MIGA1: variants seen among roughly 807,000 people sequenced by gnomAD.
MIGA1 encodes the protein mitoguardin 1.
MIGA1 carries 58 observed loss-of-function variants against 82.0 expected under a neutral mutation model. The observed-to-expected ratio is 0.71, with a 90% CI of 0.57 to 0.88. The LOEUF (loss-of-function observed/expected upper bound fraction) is 0.88. Ranked by LOEUF, MIGA1 falls within the 40% of genes least tolerant of loss-of-function variation. MIGA1 has a pLI of 0.00. For synonymous variants in MIGA1, 249 were observed against 253.6 expected, an observed-to-expected ratio of 0.98 and a Z score of 0.17; for missense variants, 751 against 749.1, an observed-to-expected ratio of 1.00 and a Z score of -0.03.
chr1:77,819,668 C>T (rs1683725794), intron 7 of MIGA1, among the ~76,000 whole-genome samples: 1 of 152,130 alleles, frequency 6.6e-6, no homozygotes, highest in African/African-American at 2.4e-5. Context: ...AGTACAACCT[C>T]TGCCTCCTGG....
chr1:77,783,347 C>A lies in MIGA1; in HGVS notation c.191C>A (p.Ser64Tyr). The A allele has an allele frequency of 6.4e-7, 1 of 1,552,748 alleles. No individual in the cohort carries two copies. The highest frequency in any genetic ancestry group is 8.8e-7 in the Non-Finnish European group (1 of 1,136,664). The change falls in exon 2 of 16, where the codon TCC becomes TAC. Residue 64 changes from serine to tyrosine, a missense_variant. Transcript: ENST00000370791. ...CCTCTGACTTGGTACTATTCTCTCT[C>A]CCAGGTAAATAAAAGAAGCAAACAG...
Position 77,803,405 on chromosome 1 carries a change from CTG to C in MIGA1, c.510+1_510+2del. 1.4e-6 allele frequency: 2 copies of C among 1,478,358 alleles called. No homozygotes were observed. The highest frequency in any genetic ancestry group is 1.8e-6 in the Non-Finnish European group (2 of 1,110,554). The allele number at this position is 1,478,358 out of a possible 1,614,324, so 91.6% of individuals were successfully genotyped here. A position where few individuals can be genotyped will look rare whatever the true frequency, so the allele number is the denominator to read the frequency against. ...TCAGGTTCTGCACAGAGTTTGGCCT[CTG>C]TAAGTACAGAAAAAATATTAATTTT... is the stretch of plus-strand genomic sequence containing the variant. On this transcript the variant is annotated splice_donor_variant and coding_sequence_variant, in exon 4 of 16. Transcript: ENST00000370791. LOFTEE classifies it high-confidence loss of function.
intron 2 of MIGA1, among the ~76,000 whole-genome samples, chr1:77,793,363 A>T (rs1294088844): frequency 6.6e-6 from 1 of 151,940 alleles, no homozygotes; most frequent in Non-Finnish European, 1.5e-5. Context: ...TTGGCCTCAC[A>T]AAGTGCTGGG....
At position 77,822,191 on chromosome 1, in the gene MIGA1, G is replaced by A. The variant is rs1414108143; in HGVS notation, c.895+6960G>A. Among the ~76,000 whole-genome samples the A allele has an allele frequency of 6.3e-5, 6 of 95,234 alleles. No individual in the cohort carries two copies. The East Asian group carries it at 2.0e-3, about 32-fold the overall frequency. 62.5% of individuals were successfully genotyped at this position (95,234 alleles called of 152,430 possible). A position where few individuals can be genotyped will look rare whatever the true frequency, so the allele number is the denominator to read the frequency against. On this transcript the variant is annotated intron_variant, in intron 7 of 15. Transcript: ENST00000370791. Reference sequence around the variant, plus strand: ...TTGTATGTCAGTAATAGCTCATAAAGCTGTTAAAAAAACACTTTGTTCAAC... The same window carrying A: ...TTGTATGTCAGTAATAGCTCATAAAACTGTTAAAAAAACACTTTGTTCAAC...
intron 14 of MIGA1, among the ~76,000 whole-genome samples, chr1:77,870,979 G>A (rs1325628355): frequency 3.3e-5 from 5 of 151,336 alleles, no homozygotes; most frequent in Non-Finnish European, 5.9e-5. Flanking sequence ...GCAGGCACTC[G>A]GCAGGCTGAG....
At chr1:77,866,449 C>T (rs1685671336) in intron 14 of MIGA1, 58 bp downstream of exon 14, 7 of 1,532,624 alleles carry the variant, frequency 4.6e-6, no homozygotes, top group Non-Finnish European at 6.3e-6. Flanking sequence ...TCTGTCAAAG[C>T]AGCTTCTGAG....
At chr1:77,866,469 C>T (rs933191659) in intron 14 of MIGA1, 78 bp downstream of exon 14, 155 of 1,378,696 alleles carry the variant, frequency 1.1e-4, no homozygotes, top group Non-Finnish European at 1.3e-4. Flanking sequence ...GTCACTTCTC[C>T]GGTGGGAATT....
chr1:77,863,570 G>A (rs1471726454), intron 12 of MIGA1, among the ~76,000 whole-genome samples: 3 of 152,174 alleles, frequency 2.0e-5, no homozygotes, highest in Admixed American at 6.5e-5. Flanking sequence ...ATGATCTGGT[G>A]GGGAAGACAG....
At chr1:77,823,875 G>T (rs959469259) in intron 7 of MIGA1, among the ~76,000 whole-genome samples, 16 of 152,076 alleles carry the variant, frequency 1.1e-4, no homozygotes, top group Non-Finnish European at 2.4e-4. Context: ...TGCCACATAG[G>T]TCGTGACACC....
chr1:77,787,751 A>G (rs967946525), intron 2 of MIGA1, among the ~76,000 whole-genome samples: 1 of 151,226 alleles, frequency 6.6e-6, no homozygotes, highest in Non-Finnish European at 1.5e-5. Flanking sequence ...TATAGTCTGG[A>G]TATTAATTCC....
Position 77,876,321 on chromosome 1 carries a change from TAAAAC to T in MIGA1, c.*1261_*1265del, listed in dbSNP as rs889305720. 1 of 152,138 alleles carries T rather than the reference TAAAAC, an allele frequency of 6.6e-6. No homozygotes were observed. Among genetic ancestry groups the T allele is most frequent in the Non-Finnish European group, 1.5e-5 (1 of 68,030 alleles). 9.4% of individuals were successfully genotyped at this position (152,138 alleles called of 1,614,324 possible). On this transcript the variant is annotated 3_prime_UTR_variant, in exon 16 of 16. Coordinates refer to ENST00000370791, the MANE Select transcript of MIGA1 (RefSeq NM_198549.4). ...AGACCCTATCTCAGAAGTGAATAAA[TAAAAC>T]AAATACAGCATTTAAATGAATTGAC...
chr1:77,844,749 G>T (rs747328882), intron 8 of MIGA1, among the ~76,000 whole-genome samples: 2 of 152,246 alleles, frequency 1.3e-5, no homozygotes, highest in South Asian at 2.1e-4. Flanking sequence ...AGGCCAAGGC[G>T]GGCCTCCTGA....
chr1:77,797,450 T>A (rs1682701862), intron 2 of MIGA1, among the ~76,000 whole-genome samples: 2 of 152,258 alleles, frequency 1.3e-5, no homozygotes, highest in African/African-American at 2.4e-5. Flanking sequence ...TTGTTCTTTT[T>A]AAAATTGTTT....
chr1:77,811,608 T>C, intron 5 of MIGA1: 4 of 1,600,914 alleles, frequency 2.5e-6, no homozygotes, highest in Non-Finnish European at 3.4e-6. Flanking sequence ...TTTTCTTTTG[T>C]TCTTCTGTGA....
chr1:77,833,449 GTC>G (rs1287163783), intron 7 of MIGA1, among the ~76,000 whole-genome samples: 1 of 152,162 alleles, frequency 6.6e-6, no homozygotes, highest in Non-Finnish European at 1.5e-5. Context: ...AATTGTTGGG[GTC>G]CCAGAAACAT....
intron 2 of MIGA1, among the ~76,000 whole-genome samples, chr1:77,795,203 A>AT (rs1432788924): frequency 6.6e-6 from 1 of 152,042 alleles, no homozygotes; most frequent in African/African-American, 2.4e-5. Flanking sequence ...ACCTCAGGTG[A>AT]TCCACCTGCC....
chr1:77,790,953 A>G (rs1682391248), intron 2 of MIGA1, among the ~76,000 whole-genome samples: 1 of 152,092 alleles, frequency 6.6e-6, no homozygotes, highest in Non-Finnish European at 1.5e-5. Context: ...TGTCATTTCA[A>G]GACTGCTATA....
chr1:77,821,945 G>C (rs577648000), intron 7 of MIGA1, among the ~76,000 whole-genome samples: 7 of 152,244 alleles, frequency 4.6e-5, no homozygotes, highest in African/African-American at 1.7e-4. Context: ...AAATTCTGGA[G>C]ATCTAATGTA....
chr1:77,782,309 C>T (rs1681956174), intron 1 of MIGA1, among the ~76,000 whole-genome samples: 1 of 152,104 alleles, frequency 6.6e-6, no homozygotes, highest in Non-Finnish European at 1.5e-5. Flanking sequence ...GTTTTCTTGG[C>T]CTGAATGAAA....
Sources: gnomAD v4.1 joint callset for allele counts (sites outside exome capture counted in the v4.1 genomes callset) on GRCh38, gnomAD v4.1.1 for gene constraint, MANE v1.5 for transcripts, NCBI Gene and HGNC (gene_info 2026-07-23, HGNC 2026-07-21) for gene names.